COL22A1: variants seen among roughly 807,000 people sequenced by gnomAD.
COL22A1 encodes the protein collagen alpha-1(XXII) chain.
Under a neutral mutation model 248.9 loss-of-function variants are expected in COL22A1, and 221 were observed. That is an observed-to-expected ratio of 0.89 (90% confidence interval 0.80 to 0.99). COL22A1 has a LOEUF of 0.99. Ranked by LOEUF, COL22A1 falls within the 50% of genes least tolerant of loss-of-function variation. The probability of loss-of-function intolerance (pLI) is 0.00; values close to 1 mark genes in which losing one functional copy is unlikely to be tolerated. For missense variants in COL22A1, 2,240 were observed against 2,179.0 expected (o/e 1.03, Z -0.56); for synonymous variants, 891 against 793.4 (o/e 1.12, Z -2.07).
chr8:138,743,387 G>T (rs1243099721), intron 22 of COL22A1, among the ~76,000 whole-genome samples: 2 of 151,304 alleles, frequency 1.3e-5, no homozygotes, highest in Admixed American at 1.3e-4. Flanking sequence ...GATGATGGTA[G>T]TAGTGATTGT....
intron 56 of COL22A1, among the ~76,000 whole-genome samples, chr8:138,613,621 C>G (rs60349569): frequency 1.3e-5 from 2 of 151,812 alleles, no homozygotes; most frequent in African/African-American, 2.4e-5. Flanking sequence ...TCCTATAGAG[C>G]TCCAGCAGTG....
intron 1 of COL22A1, among the ~76,000 whole-genome samples, chr8:138,905,300 C>T (rs1461390586): frequency 6.6e-6 from 1 of 152,210 alleles, no homozygotes; most frequent in Non-Finnish European, 1.5e-5. Flanking sequence ...CCCTTATACA[C>T]TCATTTAAAC....
chr8:138,718,305 ACT>A, intron 27 of COL22A1, among the ~76,000 whole-genome samples: 2 of 152,224 alleles, frequency 1.3e-5, no homozygotes, highest in South Asian at 4.2e-4. Flanking sequence ...TTGTGCAAAT[ACT>A]CGTCACTCAA....
At chr8:138,613,749 A>C in intron 56 of COL22A1, 118 bp downstream of exon 56, 2 of 995,328 alleles carry the variant, frequency 2.0e-6, no homozygotes, top group Non-Finnish European at 3.2e-6. Context: ...CAACTGCTAA[A>C]ACATATTACA....
intron 22 of COL22A1, among the ~76,000 whole-genome samples, chr8:138,739,329 C>T (rs145266677): frequency 3.3e-5 from 5 of 152,270 alleles, no homozygotes; most frequent in South Asian, 2.1e-4. Flanking sequence ...TGTCCACTGG[C>T]GTTTCCTTCT....
chr8:138,645,497 C>T (rs986605020), intron 47 of COL22A1, among the ~76,000 whole-genome samples: 2 of 152,198 alleles, frequency 1.3e-5, no homozygotes, highest in African/African-American at 4.8e-5. Context: ...TGTTTAAATG[C>T]TTTTCAACCA....
At chr8:138,773,311 C>A (rs761438235) in intron 16 of COL22A1, among the ~76,000 whole-genome samples, 48 of 152,180 alleles carry the variant, frequency 3.2e-4, no homozygotes, top group Non-Finnish European at 5.9e-4. Context: ...GGCTGCCCCC[C>A]GAGGGACCAC....
chr8:138,626,319 T>C, intron 50 of COL22A1, 76 bp from the exon 51 acceptor site: 2 of 1,161,168 alleles, frequency 1.7e-6, no homozygotes, highest in Admixed American at 3.6e-5. Flanking sequence ...CACAAGGAAC[T>C]GCATTCATGG....
intron 44 of COL22A1, among the ~76,000 whole-genome samples, chr8:138,660,075 C>T (rs546297020): frequency 8.5e-5 from 13 of 152,320 alleles, no homozygotes; most frequent in Non-Finnish European, 1.8e-4. Flanking sequence ...CCTGCTGGCC[C>T]GCAGTTGAAC....
At chr8:138,836,097 C>T (rs1820410859) in intron 4 of COL22A1, among the ~76,000 whole-genome samples, 1 of 152,068 alleles carries the variant, frequency 6.6e-6, no homozygotes, top group African/African-American at 2.4e-5. Context: ...ATGGTGAGAC[C>T]CTGTCTTTAC....
At chr8:138,738,658 G>A (rs1208381210) in intron 22 of COL22A1, among the ~76,000 whole-genome samples, 1 of 152,188 alleles carries the variant, frequency 6.6e-6, no homozygotes, top group Non-Finnish European at 1.5e-5. Flanking sequence ...TTGTTGCACA[G>A]CTAGTAAGGG....
intron 3 of COL22A1, among the ~76,000 whole-genome samples, chr8:138,867,932 C>T (rs2008339): frequency 0.36 from 54,827 of 151,898 alleles, 15,097 homozygotes; most frequent in African/African-American, 0.78. Flanking sequence ...GCCTGGCTAA[C>T]TTTTGTATTT....
chr8:138,625,711 G>A (rs1820181374), intron 51 of COL22A1, among the ~76,000 whole-genome samples: 1 of 152,176 alleles, frequency 6.6e-6, no homozygotes, highest in South Asian at 2.1e-4. Flanking sequence ...TAATTGTAAA[G>A]TTTATGAGGC....
chr8:138,760,324 A>T, intron 17 of COL22A1, 37 bp from the exon 18 acceptor site: 1 of 1,579,256 alleles, frequency 6.3e-7, no homozygotes, highest in Non-Finnish European at 8.6e-7. Context: ...TATGATGGGC[A>T]CTACGGATAC....
In COL22A1 at chr8:138,692,463, ATGTGTGTGTGTGTGTGTGTGTG is replaced by A. The variant is rs145298366; in HGVS notation, c.2754+1161_2754+1182del. Among the ~76,000 whole-genome samples the A allele has an allele frequency of 8.3e-3, 1,135 of 135,984 alleles. 16 individuals carry two copies. The highest frequency in any genetic ancestry group is 9.4e-3 in the Non-Finnish European group (597 of 63,704). 89.2% of individuals were successfully genotyped at this position (135,984 alleles called of 152,430 possible). On this transcript the variant is annotated intron_variant, in intron 35 of 64. Transcript: ENST00000303045. ...TGTGTGGAGGTGTGTGTGTGAGTGC[ATGTGTGTGTGTGTGTGTGTGTG>A]TGTGTGTGTGTGTGTGTGTGTGTGT...
intron 3 of COL22A1, among the ~76,000 whole-genome samples, chr8:138,862,350 G>A (rs7819724): frequency 0.83 from 126,071 of 152,184 alleles, 52,640 homozygotes; most frequent in East Asian, 0.97. Flanking sequence ...GCCTCTGTCC[G>A]TGCCCCACTC....
chr8:138,826,579 C>A, intron 6 of COL22A1, 79 bp downstream of exon 6: 2 of 1,483,528 alleles, frequency 1.3e-6, no homozygotes, highest in South Asian at 2.3e-5. Context: ...CTGGAGAAAA[C>A]ATGGTGGGTG....
chr8:138,775,370 C>T (rs760807310), intron 16 of COL22A1, among the ~76,000 whole-genome samples: 24 of 152,204 alleles, frequency 1.6e-4, no homozygotes, highest in Non-Finnish European at 2.9e-4. Context: ...GGAATCCAAT[C>T]GGAGAACCCT....
At chr8:138,626,059 T>C in intron 51 of COL22A1, 131 bp downstream of exon 51, 1 of 675,984 alleles carries the variant, frequency 1.5e-6, no homozygotes. Flanking sequence ...ATTTTGTTTC[T>C]AATTTTCTAC....
Sources: allele counts gnomAD v4.1 joint callset (sites outside exome capture counted in the v4.1 genomes callset), GRCh38; gene constraint gnomAD v4.1.1; transcripts MANE v1.5; gene names NCBI Gene and HGNC (gene_info 2026-07-23, HGNC 2026-07-21).